Variants in DPP10 observed in about 807,000 individuals in gnomAD.
The protein encoded by DPP10 is dipeptidyl peptidase like 10, also known as inactive dipeptidyl peptidase 10.
A neutral mutation model predicts 120.9 loss-of-function variants in DPP10; 33 were observed. The ratio of observed to expected loss-of-function variants is 0.27; its 90% CI spans 0.21 to 0.37. The LOEUF is 0.37. Among genes scored for constraint, DPP10 ranks in the 10% least tolerant of loss-of-function variants. The pLI is 1.00. For synonymous variants in DPP10, 337 were observed against 326.1 expected (o/e 1.03, Z -0.36); for missense variants, 816 against 942.8 (o/e 0.87, Z 1.76).
At chr2:115,247,211 G>T (rs2105629181) in intron 1 of DPP10, among the ~76,000 whole-genome samples, 1 of 152,204 alleles carries the variant, frequency 6.6e-6, no homozygotes. Context: ...GCTGGGGAGA[G>T]ACTTCAGGTA....
chr2:114,840,178 T>C (rs1274226454), intron 1 of DPP10, among the ~76,000 whole-genome samples: 2 of 152,204 alleles, frequency 1.3e-5, no homozygotes, highest in East Asian at 3.9e-4. Context: ...AGACATACTT[T>C]GTGAGCTGGC....
chr2:114,772,385 C>T lies in DPP10; in HGVS notation c.60+329547C>T, dbSNP rs564458962. 1.6e-4 allele frequency among the ~76,000 whole-genome samples: 25 copies of T among 152,152 alleles called. 1 individual carries two copies. The South Asian group carries it at 4.6e-3, about 28-fold the overall frequency. The stretch of plus-strand genomic sequence containing the variant: ...ATGTTGACCAGGCTGGTCTCGAACT[C>T]CTGACCTCATGCGATCCACCCACTC... On this transcript the variant is annotated intron_variant, in intron 1 of 25. Coordinates refer to ENST00000410059, the MANE Select transcript of DPP10 (RefSeq NM_020868.6).
At chr2:115,800,894 C>A (rs1685147666) in intron 19 of DPP10, among the ~76,000 whole-genome samples, 1 of 151,850 alleles carries the variant, frequency 6.6e-6, no homozygotes, top group South Asian at 2.1e-4. Context: ...GTTCTTTTGG[C>A]TTAGGATTGA....
chr2:115,495,026 G>T (rs1339016201), intron 3 of DPP10, among the ~76,000 whole-genome samples: 2 of 152,098 alleles, frequency 1.3e-5, no homozygotes, highest in Non-Finnish European at 2.9e-5. Context: ...AATTTTGTCG[G>T]ATTTCAACTT....
At chr2:114,467,084 C>T (rs1192052437) in intron 1 of DPP10, among the ~76,000 whole-genome samples, 1 of 150,606 alleles carries the variant, frequency 6.6e-6, no homozygotes. Flanking sequence ...TAGAGCCCTA[C>T]ACTGACAGGT....
At chr2:115,253,407 C>T (rs548531580) in intron 1 of DPP10, among the ~76,000 whole-genome samples, 2 of 152,220 alleles carry the variant, frequency 1.3e-5, no homozygotes, top group South Asian at 2.1e-4. Flanking sequence ...TCCCAATAGT[C>T]CCCCAATGTC....
Position 115,408,312 on chromosome 2 carries a change from C to T in DPP10, c.271+64400C>T, listed in dbSNP as rs537667700. On this transcript the variant is annotated intron_variant, in intron 3 of 25. Coordinates refer to ENST00000410059, the MANE Select transcript of DPP10 (RefSeq NM_020868.6). ...GAGGCTCCACCCCAATCTCCCAGTG[C>T]GCAGGCGGGCATTATTCAGAAAGAA... Among the ~76,000 whole-genome samples, 25 of 152,230 alleles carry T rather than the reference C, an allele frequency of 1.6e-4. 1 individual carries two copies. The South Asian group carries it at 2.1e-3, about 13-fold the overall frequency.
chr2:114,745,968 G>A (rs1268660771), intron 1 of DPP10, among the ~76,000 whole-genome samples: 1 of 152,198 alleles, frequency 6.6e-6, no homozygotes, highest in Non-Finnish European at 1.5e-5. Flanking sequence ...TGCTTTGGAA[G>A]TGCTATCAAC....
chr2:115,159,285 C>T lies in DPP10; in HGVS notation c.61-149954C>T, dbSNP rs146604531. ...AATGCCGGCTAACACGGTGAAACCC[C>T]GTCTCCACTAAAAATGCAAAAAATT... is the stretch of plus-strand genomic sequence containing the variant. On this transcript the variant is annotated intron_variant, in intron 1 of 25. Transcript: ENST00000410059. 4.0e-3 allele frequency among the ~76,000 whole-genome samples: 609 copies of T among 152,166 alleles called. 7 individuals carry two copies. Among genetic ancestry groups the T allele is most frequent in the African/African-American group, 0.014 (566 of 41,508 alleles).
Position 114,778,212 on chromosome 2 carries a change from G to C in DPP10, c.60+335374G>C, listed in dbSNP as rs150254130. ...GCAATATTAAGGGATGACACTTACA[G>C]ATAGACTGAGTCTTACTCTCTGGGT... is the stretch of plus-strand genomic sequence containing the variant. On this transcript the variant is annotated intron_variant, in intron 1 of 25. Coordinates refer to ENST00000410059, the MANE Select transcript of DPP10 (RefSeq NM_020868.6). Among the ~76,000 whole-genome samples, 264 of 152,166 alleles carry C rather than the reference G, an allele frequency of 1.7e-3. 2 individuals carry two copies. The highest frequency in any genetic ancestry group is 5.5e-3 in the African/African-American group (230 of 41,558).
intron 1 of DPP10, among the ~76,000 whole-genome samples, chr2:114,999,098 C>G (rs961190529): frequency 2.0e-5 from 3 of 152,118 alleles, no homozygotes; most frequent in African/African-American, 7.2e-5. Flanking sequence ...AGAATTTAAC[C>G]CCCATGAGAG....
chr2:114,989,474 G>T (rs894994229), intron 1 of DPP10, among the ~76,000 whole-genome samples: 1 of 152,168 alleles, frequency 6.6e-6, no homozygotes, highest in East Asian at 1.9e-4. Context: ...GTTAGTGGCA[G>T]CATATATGTC....
chr2:115,649,684 A>G (rs138746467), intron 5 of DPP10, among the ~76,000 whole-genome samples: 2 of 152,262 alleles, frequency 1.3e-5, no homozygotes, highest in African/African-American at 4.8e-5. Flanking sequence ...GATTTTAAGT[A>G]CCATATGCTG....
At chr2:115,603,316 G>A (rs1252708913) in intron 5 of DPP10, among the ~76,000 whole-genome samples, 1 of 150,372 alleles carries the variant, frequency 6.7e-6, no homozygotes, top group East Asian at 2.0e-4. Flanking sequence ...GAACAGGTGG[G>A]CGCACACCCA....
At chr2:115,260,435 G>T (rs780348047) in intron 1 of DPP10, among the ~76,000 whole-genome samples, 4 of 152,048 alleles carry the variant, frequency 2.6e-5, no homozygotes, top group Non-Finnish European at 4.4e-5. Context: ...TCAATTGGAG[G>T]TCAGACGTTC....
intron 1 of DPP10, among the ~76,000 whole-genome samples, chr2:114,974,512 G>C (rs1485795031): frequency 6.6e-6 from 1 of 151,504 alleles, no homozygotes; most frequent in East Asian, 1.9e-4. Flanking sequence ...CCCCTTACTG[G>C]GTTCAAGCGA....
intron 1 of DPP10, among the ~76,000 whole-genome samples, chr2:115,004,242 T>C (rs984440767): frequency 2.6e-5 from 4 of 152,294 alleles, no homozygotes; most frequent in Non-Finnish European, 5.9e-5. Flanking sequence ...TAAGACGTGG[T>C]GTTTGATATA....
chr2:115,821,956 G>A lies in DPP10; in HGVS notation c.1950+6227G>A, dbSNP rs533608817. ...GTATAAGGAATTTCCATACTCTTTT[G>A]AAAGTATTCATACTTTGTATTTTAT... On this transcript the variant is annotated intron_variant, in intron 21 of 25. Transcript: ENST00000410059. 7.2e-5 allele frequency among the ~76,000 whole-genome samples: 11 copies of A among 151,978 alleles called. No homozygotes were observed. In the South Asian group the frequency reaches 2.1e-3, roughly 29 times the overall value.
rs1695712719 is a variant in DPP10, at chr2:114,927,361, C to T, written c.61-381878C>T. Among the ~76,000 whole-genome samples the T allele has an allele frequency of 2.0e-5, 3 of 151,260 alleles. No individual in the cohort carries two copies. The South Asian group carries it at 6.3e-4, about 32-fold the overall frequency. On this transcript the variant is annotated intron_variant, in intron 1 of 25. Coordinates refer to ENST00000410059, the MANE Select transcript of DPP10 (RefSeq NM_020868.6). ...GTTGAGGACATGTCCATGACATCTG[C>T]CCAAGGTTGTCAGGGCATAGCTTGG...
Sources: allele counts gnomAD v4.1 joint callset (sites outside exome capture counted in the v4.1 genomes callset), GRCh38; gene constraint gnomAD v4.1.1; transcripts MANE v1.5; gene names NCBI Gene and HGNC (gene_info 2026-07-23, HGNC 2026-07-21).